The following NFKB1 variants were observed in gnomAD, a reference collection of about 807,000 sequenced individuals.
NFKB1 encodes the protein nuclear factor NF-kappa-B p105 subunit.
NFKB1 carries 9 observed loss-of-function variants against 105.1 expected under a neutral mutation model. The ratio of observed to expected loss-of-function variants is 0.09; its 90% CI spans 0.05 to 0.15. The LOEUF is 0.15. NFKB1 is among the 10% of genes least tolerant of loss of function. The pLI is 1.00. For missense variants in NFKB1, 830 were observed against 1,203.7 expected (o/e 0.69, Z 4.59); for synonymous variants, 440 against 442.2 (o/e 1.00, Z 0.06).
Position 102,578,913 on chromosome 4 carries a change from C to A in NFKB1, c.604C>A (p.Leu202Met), listed in dbSNP as rs774227974. 7 of 1,614,144 alleles carry A rather than the reference C, an allele frequency of 4.3e-6. No homozygotes were observed. The highest frequency in any genetic ancestry group is 5.9e-6 in the Non-Finnish European group (7 of 1,180,000). Residue 202 changes from leucine to methionine, a missense_variant, in exon 8 of 24, where the codon CTG (leucine) becomes ATG (methionine). By Grantham distance (15) the Leu-to-Met change is conservative. Coordinates refer to ENST00000226574, the MANE Select transcript of NFKB1 (RefSeq NM_003998.4). Reference protein sequence around the residue: ...REKELIRQAALQQTKEMDLSV... With the variant: ...REKELIRQAAMQQTKEMDLSV... ...AAAAGAGCTAATCCGCCAAGCAGCT[C>A]TGCAGCAGACCAAGGAGATGGACCT...
rs776457144 is a variant in NFKB1 at position 102,594,951 on chromosome 4, A to T, written c.1270A>T (p.Thr424Ser). 6.2e-7 allele frequency: 1 copy of T among 1,610,984 alleles called. No homozygotes were observed. The highest frequency in any genetic ancestry group is 1.1e-5 in the South Asian group (1 of 90,734). ...TGGTGGGATTACTTTCCATCCTGGA[A>T]CTACTAAATCTAATGCTGGGATGAA... ...TYGGITFHPG[T>S]TKSNAGMKHG... is the part of the protein sequence containing the mutation. Residue 424 changes from threonine to serine, a missense_variant, in exon 13 of 24, where the codon ACT becomes TCT. By Grantham distance (58) the Thr-to-Ser change is moderately conservative (BLOSUM62 1). Coordinates refer to ENST00000226574, the MANE Select transcript of NFKB1 (RefSeq NM_003998.4).
chr4:102,603,962 G>T (rs1196001380), intron 16 of NFKB1, among the ~76,000 whole-genome samples: 2 of 152,034 alleles, frequency 1.3e-5, no homozygotes, highest in African/African-American at 4.8e-5. Context: ...ATCGTGTTTG[G>T]TATGGATTGT....
At chr4:102,540,001 CAT>C (rs1406605150) in intron 5 of NFKB1, among the ~76,000 whole-genome samples, 8 of 152,142 alleles carry the variant, frequency 5.3e-5, no homozygotes, top group Non-Finnish European at 8.8e-5. Context: ...CTTTTTAACA[CAT>C]GTGTCTGTGT....
chr4:102,557,156 A>C (rs1222743096), intron 5 of NFKB1: 3 of 152,198 alleles, frequency 2.0e-5, no homozygotes, highest in African/African-American at 7.2e-5. Context: ...AGTGACTTCT[A>C]CCTTCTCATT....
At chr4:102,551,371 C>CACGT (rs1560665162) in intron 5 of NFKB1, among the ~76,000 whole-genome samples, 1 of 131,962 alleles carries the variant, frequency 7.6e-6, no homozygotes. Context: ...TGTGTGTGCG[C>CACGT]GCGCGCATGT....
At chr4:102,562,646 C>T (rs1166268238) in intron 5 of NFKB1, among the ~76,000 whole-genome samples, 1 of 152,138 alleles carries the variant, frequency 6.6e-6, no homozygotes, top group Non-Finnish European at 1.5e-5. Flanking sequence ...GTGTATTATT[C>T]CTTTTAACTT....
chr4:102,585,517 C>T (rs1277683685), intron 11 of NFKB1, among the ~76,000 whole-genome samples: 1 of 152,134 alleles, frequency 6.6e-6, no homozygotes, highest in Admixed American at 6.6e-5. Context: ...CAGCCTCAGG[C>T]GGTGGAACAG....
At chr4:102,598,896 C>T (rs1186063333) in intron 15 of NFKB1, among the ~76,000 whole-genome samples, 3 of 152,244 alleles carry the variant, frequency 2.0e-5, no homozygotes, top group African/African-American at 4.8e-5. Flanking sequence ...TCACACAAGC[C>T]GGCTCTCAGA....
At chr4:102,520,382 A>G (rs959399299) in intron 1 of NFKB1, among the ~76,000 whole-genome samples, 11 of 152,120 alleles carry the variant, frequency 7.2e-5, no homozygotes, top group African/African-American at 2.7e-4. Flanking sequence ...TGTGTATTAT[A>G]CTCGGTGTTA....
chr4:102,536,635 T>C (rs1159055710), intron 4 of NFKB1, among the ~76,000 whole-genome samples: 1 of 152,160 alleles, frequency 6.6e-6, no homozygotes, highest in African/African-American at 2.4e-5. Context: ...GTTCATGAGC[T>C]CAAAGCTGTC....
At chr4:102,547,256 A>C (rs1484024325) in intron 5 of NFKB1, among the ~76,000 whole-genome samples, 1 of 152,228 alleles carries the variant, frequency 6.6e-6, no homozygotes, top group South Asian at 2.1e-4. Context: ...AATGTGCGAC[A>C]CTGAAAATGA....
intron 8 of NFKB1, 62 bp from the exon 9 acceptor site, chr4:102,580,473 A>G: frequency 7.1e-7 from 1 of 1,403,478 alleles, no homozygotes; most frequent in South Asian, 1.2e-5. Context: ...GTCCTACCTA[A>G]AGGACTGGCT....
chr4:102,601,058 T>G (rs771425998), intron 16 of NFKB1, 49 bp downstream of exon 16: 16 of 1,199,230 alleles, frequency 1.3e-5, no homozygotes, highest in Non-Finnish European at 8.5e-6. Context: ...TGTAGTTTAC[T>G]TTTTCTTCTG....
intron 1 of NFKB1, among the ~76,000 whole-genome samples, chr4:102,524,224 A>G (rs1740751448): frequency 6.6e-6 from 1 of 152,114 alleles, no homozygotes; most frequent in African/African-American, 2.4e-5. Context: ...TTTAGATACT[A>G]TCTTTATCTG....
intron 5 of NFKB1, among the ~76,000 whole-genome samples, chr4:102,558,022 A>T (rs1723118802): frequency 6.8e-6 from 1 of 148,014 alleles, no homozygotes; most frequent in Non-Finnish European, 1.5e-5. Flanking sequence ...TGCTACATTG[A>T]TATCTAGCCT....
At chr4:102,525,107 G>C (rs1305721118) in intron 1 of NFKB1, among the ~76,000 whole-genome samples, 1 of 152,122 alleles carries the variant, frequency 6.6e-6, no homozygotes, top group African/African-American at 2.4e-5. Flanking sequence ...CCATCACAAG[G>C]TTTATGAAGG....
chr4:102,528,401 T>C (rs1235532303), intron 2 of NFKB1, among the ~76,000 whole-genome samples: 1 of 152,162 alleles, frequency 6.6e-6, no homozygotes, highest in Non-Finnish European at 1.5e-5. Flanking sequence ...TGTTCCTCAG[T>C]TGAAAATTTG....
chr4:102,603,355 G>A (rs1380303669), intron 16 of NFKB1, among the ~76,000 whole-genome samples: 1 of 151,764 alleles, frequency 6.6e-6, no homozygotes, highest in East Asian at 1.9e-4. Context: ...ACAGGCATGA[G>A]CCACTGCGTC....
At chr4:102,504,778 G>T (rs1249825083) in intron 1 of NFKB1, among the ~76,000 whole-genome samples, 1 of 152,134 alleles carries the variant, frequency 6.6e-6, no homozygotes, top group Admixed American at 6.5e-5. Flanking sequence ...CACTACTTTG[G>T]AGACAGACAG....
Sources: gnomAD v4.1 joint callset for allele counts (sites outside exome capture counted in the v4.1 genomes callset) on GRCh38, gnomAD v4.1.1 for gene constraint, MANE v1.5 for transcripts, NCBI Gene and HGNC (gene_info 2026-07-23, HGNC 2026-07-21) for gene names.